Variants in ETV5 observed in about 807,000 individuals in gnomAD.
ETV5 encodes ETS translocation variant 5.
Under a neutral mutation model 70.0 loss-of-function variants are expected in ETV5, and 10 were observed. That is an observed-to-expected ratio of 0.14 (90% confidence interval 0.09 to 0.24). ETV5 has a LOEUF of 0.24. Ranked by LOEUF, ETV5 falls within the 10% of genes least tolerant of loss-of-function variation. The pLI is 1.00. For missense variants in ETV5, 453 were observed against 651.2 expected (o/e 0.70, Z 3.31); for synonymous variants, 216 against 242.2 (o/e 0.89, Z 1.01).
chr3:186,093,244 TTTC>T (rs1714225787), intron 5 of ETV5, among the ~76,000 whole-genome samples: 1 of 152,226 alleles, frequency 6.6e-6, no homozygotes, highest in Non-Finnish European at 1.5e-5. Flanking sequence ...GGAATTTTAA[TTTC>T]TTTGTGGGAA....
At chr3:186,083,538 A>G (rs1261973389) in intron 5 of ETV5, among the ~76,000 whole-genome samples, 1 of 152,210 alleles carries the variant, frequency 6.6e-6, no homozygotes, top group Non-Finnish European at 1.5e-5. Context: ...GCACGTATCT[A>G]AAAGGATCTA....
chr3:186,066,070 A>T lies in ETV5; in HGVS notation c.653T>A (p.Phe218Tyr), dbSNP rs1390926382. ...GCAGGGTTCAGACAGTTGTCTCTGA[A>T]ATCTGTAAGAAGAAAGAGGTTTTCA... ...PENQYPSEQRFQRQLSEPCHP... is the reference protein window; with the variant it reads ...PENQYPSEQRYQRQLSEPCHP... Residue 218 changes from phenylalanine to tyrosine, a missense_variant and splice_region_variant, in exon 8 of 13, where the codon TTT (phenylalanine) becomes TAT (tyrosine). By Grantham distance (22) the Phe-to-Tyr change is conservative (BLOSUM62 3). This residue lies in a region of ETV5 where 307 missense variants were observed against 344.9 expected (regional missense o/e 0.89). Coordinates refer to ENST00000306376, the MANE Select transcript of ETV5 (RefSeq NM_004454.3). The T allele has an allele frequency of 7.0e-6, 11 of 1,569,498 alleles. No individual in the cohort carries two copies. In the South Asian group the frequency reaches 1.3e-4, roughly 19 times the overall value.
chr3:186,048,735 GTCC>G lies in ETV5; in HGVS notation c.1434_1436del (p.Glu478del). ...CTTCAAAGTGGGTCAGCGGCAGGGT[GTCC>G]TCCTCGCTGAGGTGGCACTCGGACT... On this transcript the variant is annotated inframe_deletion, in exon 13 of 13. Transcript: ENST00000306376. The G allele has an allele frequency of 1.2e-6, 2 of 1,614,178 alleles. No homozygotes were observed. Among genetic ancestry groups the G allele is most frequent in the East Asian group, 4.5e-5 (2 of 44,880 alleles).
chr3:186,067,301 G>A (rs1315791730), intron 7 of ETV5, among the ~76,000 whole-genome samples: 3 of 152,212 alleles, frequency 2.0e-5, no homozygotes, highest in African/African-American at 7.2e-5. Context: ...ATGTGGTTGT[G>A]CGCGCCTGTA....
At position 186,046,381 on chromosome 3, in the gene ETV5, T is replaced by G. The variant is rs1247984323; in HGVS notation, c.*2258A>C. 4.4e-6 allele frequency: 1 copy of G among 227,056 alleles called. No homozygotes were observed. Among genetic ancestry groups the G allele is most frequent in the Admixed American group, 5.7e-5 (1 of 17,548 alleles). 14.1% of individuals were successfully genotyped at this position (227,056 alleles called of 1,614,324 possible). On this transcript the variant is annotated 3_prime_UTR_variant, in exon 13 of 13. Transcript: ENST00000306376. ...CAGAATATAACGCAGCTTGGCAGGATGCATACGGCCCTGCGCAGGGGAAAG... is the reference window on the plus strand; with the variant it reads ...CAGAATATAACGCAGCTTGGCAGGAGGCATACGGCCCTGCGCAGGGGAAAG...
chr3:186,048,464 C>T lies in ETV5; in HGVS notation c.*175G>A, dbSNP rs1712935093. 1 of 618,992 alleles carries T rather than the reference C, an allele frequency of 1.6e-6. No individual in the cohort carries two copies. Among genetic ancestry groups the T allele is most frequent in the African/African-American group, 1.8e-5 (1 of 54,064 alleles). 38.3% of individuals were successfully genotyped at this position (618,992 alleles called of 1,614,324 possible). A position where few individuals can be genotyped will look rare whatever the true frequency, so the allele number is the denominator to read the frequency against. On this transcript the variant is annotated 3_prime_UTR_variant, in exon 13 of 13. Transcript: ENST00000306376. ...TTTCTGCCCCTCCCTGTTCCCACTC[C>T]CCAGCCAATGTATCTGTCTTTAAGG... is the stretch of plus-strand genomic sequence containing the variant.
At chr3:186,095,933 G>A (rs1480335230) in intron 5 of ETV5, among the ~76,000 whole-genome samples, 1 of 152,192 alleles carries the variant, frequency 6.6e-6, no homozygotes, top group African/African-American at 2.4e-5. Flanking sequence ...TCCACAGTGC[G>A]CAGAGCAGGC....
intron 5 of ETV5, among the ~76,000 whole-genome samples, chr3:186,093,026 G>A (rs960871584): frequency 2.6e-5 from 4 of 152,186 alleles, no homozygotes; most frequent in Admixed American, 6.5e-5. Flanking sequence ...TATAAGACCA[G>A]TGTTATGATA....
At chr3:186,068,171 G>A (rs573027205) in intron 7 of ETV5, among the ~76,000 whole-genome samples, 4 of 152,340 alleles carry the variant, frequency 2.6e-5, no homozygotes, top group African/African-American at 9.6e-5. Flanking sequence ...GGTCACCAAT[G>A]CAGCTGTCTA....
chr3:186,064,943 G>A (rs900467741), intron 8 of ETV5, among the ~76,000 whole-genome samples: 3 of 152,152 alleles, frequency 2.0e-5, no homozygotes, highest in Non-Finnish European at 2.9e-5. Flanking sequence ...ACAGGTGGGA[G>A]TATTTTTAGG....
intron 1 of ETV5, among the ~76,000 whole-genome samples, chr3:186,108,122 C>G (rs934774002): frequency 4.7e-5 from 7 of 148,806 alleles, no homozygotes; most frequent in Non-Finnish European, 1.0e-4. Flanking sequence ...GCTTCCAATC[C>G]CCCCACCCCC....
intron 5 of ETV5, among the ~76,000 whole-genome samples, chr3:186,091,526 AG>A (rs1714182050): frequency 6.6e-6 from 1 of 152,148 alleles, no homozygotes; most frequent in African/African-American, 2.4e-5. Context: ...ATAACGCAAG[AG>A]CCAAATTAGG....
intron 5 of ETV5, among the ~76,000 whole-genome samples, chr3:186,104,378 A>G (rs1420297658): frequency 6.6e-6 from 1 of 152,190 alleles, no homozygotes; most frequent in Non-Finnish European, 1.5e-5. Context: ...CTCTCTAGTA[A>G]TGAGCACTTA....
intron 7 of ETV5, among the ~76,000 whole-genome samples, chr3:186,073,530 A>G (rs1713697336): frequency 6.6e-6 from 1 of 152,246 alleles, no homozygotes; most frequent in Non-Finnish European, 1.5e-5. Context: ...CCACTGGCCT[A>G]TACTGTTTCT....
At chr3:186,050,985 T>C (rs566068131) in intron 12 of ETV5, among the ~76,000 whole-genome samples, 1 of 152,336 alleles carries the variant, frequency 6.6e-6, no homozygotes, top group South Asian at 2.1e-4. Flanking sequence ...ACATGTATTC[T>C]TTGGCAAACA....
intron 5 of ETV5, among the ~76,000 whole-genome samples, chr3:186,090,983 T>C (rs763824570): frequency 4.6e-5 from 7 of 152,234 alleles, no homozygotes; most frequent in Admixed American, 3.9e-4. Context: ...TGTGCCTTTA[T>C]GTCTTAGGAA....
intron 9 of ETV5, among the ~76,000 whole-genome samples, chr3:186,062,300 A>C (rs1375566544): frequency 6.6e-6 from 1 of 152,196 alleles, no homozygotes; most frequent in Non-Finnish European, 1.5e-5. Flanking sequence ...TCTTACAGCC[A>C]CGTGCCCTTG....
intron 9 of ETV5, among the ~76,000 whole-genome samples, chr3:186,061,197 C>T (rs1180997969): frequency 6.6e-6 from 1 of 152,204 alleles, no homozygotes; most frequent in Admixed American, 6.5e-5. Flanking sequence ...TGACAGAGAC[C>T]AGTGGTTCTC....
At chr3:186,053,274 G>T (rs1426404403) in intron 11 of ETV5, among the ~76,000 whole-genome samples, 2 of 152,016 alleles carry the variant, frequency 1.3e-5, no homozygotes, top group Non-Finnish European at 2.9e-5. Flanking sequence ...ACTAATTTTT[G>T]TATTTTTAGT....
Sources: gnomAD v4.1 joint callset for allele counts (sites outside exome capture counted in the v4.1 genomes callset) on GRCh38, gnomAD v4.1.1 for gene constraint, gnomAD v4.1.1 regional missense constraint, MANE v1.5 for transcripts, NCBI Gene and HGNC (gene_info 2026-07-23, HGNC 2026-07-21) for gene names.